KANSL3: variants seen among roughly 807,000 people sequenced by gnomAD.
KANSL3 encodes the protein NSL complex protein NSL3.
Under a neutral mutation model 89.2 loss-of-function variants are expected in KANSL3, and 16 were observed. That is an observed-to-expected ratio of 0.18 (90% CI 0.12 to 0.27). The LOEUF (loss-of-function observed/expected upper bound fraction) is 0.27, where lower values mean the gene tolerates loss of function less well. Ranked by LOEUF, KANSL3 falls within the 10% of genes least tolerant of loss-of-function variation. KANSL3 has a pLI of 1.00. For synonymous variants in KANSL3, 385 were observed against 419.7 expected, an observed-to-expected ratio of 0.92 and a Z score of 1.01; for missense variants, 879 against 1,110.6, an observed-to-expected ratio of 0.79 and a Z score of 2.96.
At chr2:96,608,431 T>G in intron 14 of KANSL3, 77 bp downstream of exon 14, 1 of 1,469,336 alleles carries the variant, frequency 6.8e-7, no homozygotes, top group Non-Finnish European at 9.4e-7. Flanking sequence ...GCCATAGATA[T>G]CAATACTGTG....
chr2:96,585,806 T>C, the KANSL3 span, among the ~76,000 whole-genome samples: 2 of 152,154 alleles, frequency 1.3e-5, no homozygotes, highest in African/African-American at 4.8e-5. Context: ...AATAATGGCA[T>C]TTGCACCAAC....
intron 3 of KANSL3, among the ~76,000 whole-genome samples, chr2:96,623,284 A>G (rs1464128039): frequency 6.6e-6 from 1 of 152,230 alleles, no homozygotes; most frequent in African/African-American, 2.4e-5. Context: ...ACACAGGCAC[A>G]TGATTTATGT....
At chr2:96,588,893 CCTTTT>C (rs1553400722), downstream of KANSL3, among the ~76,000 whole-genome samples, 1 of 152,116 alleles carries the variant, frequency 6.6e-6, no homozygotes, top group Non-Finnish European at 1.5e-5. Flanking sequence ...CGCACCCAGC[CCTTTT>C]CTTAAGTTTT....
the KANSL3 span, among the ~76,000 whole-genome samples, chr2:96,582,060 T>C: frequency 6.6e-6 from 1 of 152,320 alleles, no homozygotes; most frequent in African/African-American, 2.4e-5. Flanking sequence ...TTCAATTTTA[T>C]TTTTCTCTCC....
At chr2:96,632,378 C>T (rs1481403073) in intron 2 of KANSL3, among the ~76,000 whole-genome samples, 1 of 152,002 alleles carries the variant, frequency 6.6e-6, no homozygotes, top group African/African-American at 2.4e-5. Flanking sequence ...GGATGGCTTG[C>T]TTGAGCCCAG....
rs370777860 is a variant in KANSL3 at position 96,612,490 on chromosome 2, A to G, written c.986T>C (p.Ile329Thr). ...CAGCACTTTGCTTCTCACTGCCCCA[A>G]TCATATGCTCGAGACACTGTAGAAC... ...VGVLQCLEHM[I>T]GAVRSKVLEI... Residue 329 changes from isoleucine to threonine, a missense_variant, in exon 8 of 21, where the codon ATT (isoleucine) becomes ACT (threonine). Coordinates refer to ENST00000431828, the MANE Select transcript of KANSL3 (RefSeq NM_001115016.3). 141 of 1,613,792 alleles carry G rather than the reference A, an allele frequency of 8.7e-5. No homozygotes were observed. Among genetic ancestry groups the G allele is most frequent in the Non-Finnish European group, 1.1e-4 (134 of 1,179,866 alleles).
intron 5 of KANSL3, among the ~76,000 whole-genome samples, chr2:96,618,936 C>G (rs984699563): frequency 6.6e-6 from 1 of 152,250 alleles, no homozygotes; most frequent in Admixed American, 6.5e-5. Context: ...GGCTCATGCC[C>G]TGGGGAGCAG....
chr2:96,614,013 T>C (rs1388949475), intron 5 of KANSL3, among the ~76,000 whole-genome samples: 2 of 152,230 alleles, frequency 1.3e-5, no homozygotes, highest in African/African-American at 4.8e-5. Flanking sequence ...CAATTTAATA[T>C]ATATGTGCAT....
At chr2:96,599,886 T>C (rs1423383321) in intron 20 of KANSL3, 1 of 155,016 alleles carries the variant, frequency 6.5e-6, no homozygotes, top group Non-Finnish European at 1.4e-5. Flanking sequence ...GCTAGAATTG[T>C]AAAGTAGCAA....
intron 3 of KANSL3, among the ~76,000 whole-genome samples, chr2:96,626,258 T>C (rs1384476557): frequency 6.6e-6 from 1 of 150,622 alleles, no homozygotes; most frequent in Non-Finnish European, 1.5e-5. Context: ...AGACACAAAG[T>C]ACATCAGATA....
intron 5 of KANSL3, chr2:96,615,650 A>G: frequency 2.5e-6 from 1 of 404,424 alleles, no homozygotes; most frequent in Non-Finnish European, 4.6e-6. Context: ...TGCAAGTTGT[A>G]AAACTCCAAA....
the KANSL3 span, among the ~76,000 whole-genome samples, chr2:96,581,544 C>T: frequency 2.6e-5 from 4 of 152,080 alleles, no homozygotes; most frequent in East Asian, 1.9e-4. Context: ...TATATTTCCA[C>T]GAGTGCTTCA....
intron 2 of KANSL3, among the ~76,000 whole-genome samples, chr2:96,633,304 T>C (rs2106224576): frequency 6.6e-6 from 1 of 151,942 alleles, no homozygotes; most frequent in East Asian, 1.9e-4. Context: ...GCGTAGTGGC[T>C]CGCGCCTGTA....
At chr2:96,614,503 A>G (rs10177168) in intron 5 of KANSL3, among the ~76,000 whole-genome samples, 116,874 of 152,178 alleles carry the variant, frequency 0.77, 46,106 homozygotes, top group African/African-American at 0.94. Context: ...GGGCTCAGCG[A>G]CTCATGCCTG....
intron 3 of KANSL3, among the ~76,000 whole-genome samples, chr2:96,625,284 T>G (rs1406315534): frequency 6.6e-6 from 1 of 152,180 alleles, no homozygotes; most frequent in Non-Finnish European, 1.5e-5. Context: ...ATAAAGGACC[T>G]GTAGCATCTT....
chr2:96,623,416 C>CT (rs1305842783), intron 3 of KANSL3, among the ~76,000 whole-genome samples: 1 of 152,216 alleles, frequency 6.6e-6, no homozygotes, highest in African/African-American at 2.4e-5. Flanking sequence ...ACAAGATACT[C>CT]TAATTTCTAC....
the KANSL3 span, among the ~76,000 whole-genome samples, chr2:96,585,479 C>T: frequency 6.6e-6 from 1 of 152,008 alleles, no homozygotes; most frequent in Non-Finnish European, 1.5e-5. Context: ...ATAATAGATG[C>T]TGGCATGAAA....
the KANSL3 span, among the ~76,000 whole-genome samples, chr2:96,583,776 C>G: frequency 3.9e-5 from 6 of 152,142 alleles, no homozygotes; most frequent in Admixed American, 2.0e-4. Flanking sequence ...TTTGTATATA[C>G]GTAGGAGAGG....
chr2:96,596,888 C>T (rs1484198629), intron 20 of KANSL3, among the ~76,000 whole-genome samples: 2 of 152,282 alleles, frequency 1.3e-5, no homozygotes, highest in Middle Eastern at 3.4e-3. Flanking sequence ...GGCAGGGAGT[C>T]CATTTTTTGG....
Sources: gnomAD v4.1 joint callset for allele counts (sites outside exome capture counted in the v4.1 genomes callset) on GRCh38, gnomAD v4.1.1 for gene constraint, MANE v1.5 for transcripts, NCBI Gene and HGNC (gene_info 2026-07-23, HGNC 2026-07-21) for gene names.